FRMD6: variants seen among roughly 807,000 people sequenced by gnomAD.
FRMD6 encodes FERM domain containing 6, also known as FERM domain-containing protein 6.
FRMD6 carries 37 observed loss-of-function variants against 73.2 expected under a neutral mutation model. The ratio of observed to expected loss-of-function variants is 0.51; its 90% confidence interval spans 0.39 to 0.66. The LOEUF is 0.66. Ranked by LOEUF, FRMD6 falls within the 30% of genes least tolerant of loss-of-function variation. The pLI is 0.00. For synonymous variants in FRMD6, 273 were observed against 282.2 expected (o/e 0.97, Z 0.33); for missense variants, 714 against 780.5 (o/e 0.91, Z 1.02).
At chr14:51,575,527 G>A (rs2139620314) in intron 2 of FRMD6, 1 of 152,342 alleles carries the variant, frequency 6.6e-6, no homozygotes, top group African/African-American at 2.4e-5. Flanking sequence ...AAGTGTCAGA[G>A]GAGTGTGTGT....
At chr14:51,472,030 G>T in the FRMD6 span, among the ~76,000 whole-genome samples, 4 of 152,190 alleles carry the variant, frequency 2.6e-5, no homozygotes, top group African/African-American at 9.6e-5. Flanking sequence ...ACCCTATGAG[G>T]CAACTGGACC....
chr14:51,442,859 A>G, the FRMD6 span, among the ~76,000 whole-genome samples: 3 of 152,322 alleles, frequency 2.0e-5, no homozygotes, highest in Non-Finnish European at 2.9e-5. Flanking sequence ...GTTCCATTCC[A>G]CCTCAGAAGA....
the FRMD6 span, among the ~76,000 whole-genome samples, chr14:51,426,578 A>G: frequency 1.3e-5 from 2 of 152,212 alleles, no homozygotes; most frequent in African/African-American, 2.4e-5. Context: ...GAAAATTTGG[A>G]CTTAATAAAT....
chr14:51,715,607 A>G lies in FRMD6; in HGVS notation c.1024+108A>G, dbSNP rs189643786. ...TACAGAATTGGATTTTGGGACTGGG[A>G]CACTCCAGATTGAGAGCAGCATTAC... On this transcript the variant is annotated intron_variant, in intron 10 of 13. Coordinates refer to ENST00000344768, the MANE Select transcript of FRMD6 (RefSeq NM_001267046.2). 1.3e-5 allele frequency: 11 copies of G among 870,578 alleles called. No homozygotes were observed. In the Admixed American group the frequency reaches 2.2e-4, roughly 18 times the overall value. 53.9% of individuals were successfully genotyped at this position (870,578 alleles called of 1,614,324 possible).
At chr14:51,459,884 C>CTCTTTTTTTTTTTTTTT in the FRMD6 span, among the ~76,000 whole-genome samples, 2 of 74,650 alleles carry the variant, frequency 2.7e-5, no homozygotes, top group East Asian at 6.4e-4. Context: ...TACTGACTCT[C>CTCTTTTTTTTTTTTTTT]TTTTTTTTTT....
chr14:51,535,455 G>T (rs1885829826), intron 1 of FRMD6, among the ~76,000 whole-genome samples: 1 of 152,084 alleles, frequency 6.6e-6, no homozygotes, highest in African/African-American at 2.4e-5. Context: ...CCACAGATTT[G>T]CCTATTATGG....
intron 1 of FRMD6, among the ~76,000 whole-genome samples, chr14:51,515,473 G>A (rs1237194463): frequency 6.6e-6 from 1 of 152,144 alleles, no homozygotes; most frequent in East Asian, 1.9e-4. Flanking sequence ...CACTTCTAGT[G>A]CAACTGGTGC....
At chr14:51,518,730 AC>A (rs1884779534) in intron 1 of FRMD6, among the ~76,000 whole-genome samples, 1 of 152,218 alleles carries the variant, frequency 6.6e-6, no homozygotes, top group Non-Finnish European at 1.5e-5. Flanking sequence ...TCAAAACGAT[AC>A]AAGCCTTACT....
chr14:51,442,634 G>A, the FRMD6 span, among the ~76,000 whole-genome samples: 1 of 152,102 alleles, frequency 6.6e-6, no homozygotes, highest in African/African-American at 2.4e-5. Context: ...AAGCTCCTCA[G>A]GGCAGAAACT....
chr14:51,545,655 T>C lies in FRMD6; in HGVS notation c.-209-24693T>C, dbSNP rs548423915. ...AAGTTTAAGGATAAAATGAGTTAGTTTATGTAAAGCGCTTTTCATAGAGCT... is the reference window on the plus strand; with the variant it reads ...AAGTTTAAGGATAAAATGAGTTAGTCTATGTAAAGCGCTTTTCATAGAGCT... On this transcript the variant is annotated intron_variant, in intron 1 of 14. Coordinates refer to the FRMD6 transcript ENST00000356218. Among the ~76,000 whole-genome samples the C allele has an allele frequency of 7.9e-5, 12 of 152,196 alleles. No homozygotes were observed. In the South Asian group the frequency reaches 2.5e-3, roughly 32 times the overall value.
At chr14:51,653,353 G>C (rs1286117080) in intron 1 of FRMD6, among the ~76,000 whole-genome samples, 2 of 152,184 alleles carry the variant, frequency 1.3e-5, no homozygotes, top group African/African-American at 2.4e-5. Flanking sequence ...GGAGAAAGCT[G>C]CTAGTGGCTT....
At chr14:51,482,528 C>T in the FRMD6 span, among the ~76,000 whole-genome samples, 15 of 152,202 alleles carry the variant, frequency 9.9e-5, no homozygotes, top group South Asian at 4.1e-4. Context: ...TATCTCTGCT[C>T]GGAGAGAATC....
In FRMD6 at chr14:51,730,484, A is replaced by C. The variant is rs1245955451; in HGVS notation, c.*2455A>C. On this transcript the variant is annotated 3_prime_UTR_variant, in exon 14 of 14. Transcript: ENST00000344768. ...AGCTGTTATTTATTCTGCATTTCTT[A>C]CATATCTATCGCTTGTCAGTATACC... 2 of 152,584 alleles carry C rather than the reference A, an allele frequency of 1.3e-5. No homozygotes were observed. The highest frequency in any genetic ancestry group is 1.3e-4 in the Admixed American group (2 of 15,274). 9.5% of individuals were successfully genotyped at this position (152,584 alleles called of 1,614,324 possible). A position where few individuals can be genotyped will look rare whatever the true frequency, so the allele number is the denominator to read the frequency against.
intron 1 of FRMD6, among the ~76,000 whole-genome samples, chr14:51,662,848 A>G (rs535045426): frequency 7.4e-4 from 112 of 152,344 alleles, no homozygotes; most frequent in South Asian, 1.2e-3. Context: ...TGAACAGACA[A>G]CCTACAGAAT....
chr14:51,708,253 T>C lies in FRMD6; in HGVS notation c.714+20T>C. On this transcript the variant is annotated intron_variant, in intron 7 of 13. Coordinates refer to ENST00000344768, the MANE Select transcript of FRMD6 (RefSeq NM_001267046.2). ...TATAAGGTATGAAACGGCAACTAAGTCTTCAGCTTCTGAGAAAAAAACATC... is the reference window on the plus strand; with the variant it reads ...TATAAGGTATGAAACGGCAACTAAGCCTTCAGCTTCTGAGAAAAAAACATC... 6.2e-7 allele frequency: 1 copy of C among 1,605,214 alleles called. No individual in the cohort carries two copies. The highest frequency in any genetic ancestry group is 1.1e-5 in the South Asian group (1 of 90,006).
the FRMD6 span, among the ~76,000 whole-genome samples, chr14:51,412,960 T>G: frequency 2.3e-3 from 342 of 151,754 alleles, 1 homozygote; most frequent in African/African-American, 7.3e-3. Flanking sequence ...CCTGTAAAGA[T>G]AAACTGTTGA....
intron 2 of FRMD6, among the ~76,000 whole-genome samples, chr14:51,599,311 C>T (rs937973986): frequency 6.6e-6 from 1 of 151,824 alleles, no homozygotes; most frequent in Admixed American, 6.6e-5. Flanking sequence ...GAAACTGATC[C>T]CCTCCCTTTC....
the FRMD6 span, among the ~76,000 whole-genome samples, chr14:51,430,253 C>T: frequency 6.6e-6 from 1 of 152,148 alleles, no homozygotes; most frequent in Admixed American, 6.5e-5. Flanking sequence ...ATTTATCCAC[C>T]TCAACGTTAA....
At chr14:51,516,588 C>T (rs922807222) in intron 1 of FRMD6, among the ~76,000 whole-genome samples, 2 of 152,174 alleles carry the variant, frequency 1.3e-5, no homozygotes, top group Non-Finnish European at 1.5e-5. Flanking sequence ...TCTATATTCA[C>T]AACCCTTTAG....
Sources: allele counts gnomAD v4.1 joint callset (sites outside exome capture counted in the v4.1 genomes callset), GRCh38; gene constraint gnomAD v4.1.1; transcripts MANE v1.5; gene names NCBI Gene and HGNC (gene_info 2026-07-23, HGNC 2026-07-21).